Variants in LDB2 observed in about 807,000 individuals in gnomAD.
LDB2 encodes the protein LIM domain binding 2, also known as LIM domain-binding protein 2.
A neutral mutation model predicts 44.3 loss-of-function variants in LDB2; 12 were observed. The ratio of observed to expected loss-of-function variants is 0.27; its 90% CI spans 0.17 to 0.44. The LOEUF is 0.44. Among genes scored for constraint, LDB2 ranks in the 20% least tolerant of loss-of-function variants. The probability of loss-of-function intolerance (pLI) is 1.00; values close to 1 mark genes in which losing one functional copy is unlikely to be tolerated. For missense variants in LDB2, 344 were observed against 473.5 expected, an observed-to-expected ratio of 0.73 and a Z score of 2.54; for synonymous variants, 164 against 174.8, an observed-to-expected ratio of 0.94 and a Z score of 0.49.
chr4:16,749,176 T>C (rs936068364), intron 2 of LDB2, among the ~76,000 whole-genome samples: 2 of 152,188 alleles, frequency 1.3e-5, no homozygotes, highest in East Asian at 3.8e-4. Context: ...GTTTTGAGAC[T>C]ATGTGGTGAA....
intron 2 of LDB2, among the ~76,000 whole-genome samples, chr4:16,703,164 G>T (rs909313132): frequency 7.9e-5 from 12 of 152,198 alleles, no homozygotes; most frequent in Middle Eastern, 3.2e-3. Flanking sequence ...TCCAGAAAGT[G>T]ATATGGGCCA....
intron 1 of LDB2, among the ~76,000 whole-genome samples, chr4:16,860,173 A>T (rs1392480773): frequency 1.3e-5 from 2 of 152,256 alleles, no homozygotes; most frequent in Non-Finnish European, 2.9e-5. Context: ...GGATTTGGGT[A>T]GCCAGGGAAA....
At chr4:16,870,627 C>A (rs1053238416) in intron 1 of LDB2, among the ~76,000 whole-genome samples, 3 of 150,586 alleles carry the variant, frequency 2.0e-5, no homozygotes, top group Non-Finnish European at 4.4e-5. Flanking sequence ...CTTGCATTCT[C>A]TTTATTTATT....
intron 2 of LDB2, among the ~76,000 whole-genome samples, chr4:16,655,211 T>C (rs1477666105): frequency 6.6e-6 from 1 of 152,092 alleles, no homozygotes; most frequent in Non-Finnish European, 1.5e-5. Flanking sequence ...ACACTAGCCA[T>C]GGGGGACAGA....
chr4:16,642,893 A>G (rs533944152), intron 2 of LDB2, among the ~76,000 whole-genome samples: 4 of 152,312 alleles, frequency 2.6e-5, no homozygotes, highest in African/African-American at 9.6e-5. Context: ...AAGTTTGAAT[A>G]AAAAAGAAAA....
chr4:16,742,366 A>G (rs145544247), intron 2 of LDB2, among the ~76,000 whole-genome samples: 75 of 152,214 alleles, frequency 4.9e-4, no homozygotes, highest in East Asian at 9.7e-4. Context: ...CACCGCGCCC[A>G]GCCAACACAT....
At chr4:16,595,250 T>C (rs1720489689) in intron 3 of LDB2, among the ~76,000 whole-genome samples, 1 of 152,118 alleles carries the variant, frequency 6.6e-6, no homozygotes, top group South Asian at 2.1e-4. Context: ...GTTTTTATGT[T>C]CCTTACAGAT....
chr4:16,537,174 A>G (rs1732152413), intron 5 of LDB2, among the ~76,000 whole-genome samples: 1 of 152,196 alleles, frequency 6.6e-6, no homozygotes, highest in Non-Finnish European at 1.5e-5. Context: ...AGGCTCTTAG[A>G]AACACCAAGA....
rs754718520 is a variant in LDB2, at chr4:16,508,502, G to A, written c.891+33C>T. On this transcript the variant is annotated intron_variant, in intron 7 of 7. Transcript: ENST00000304523. ...CCTTTGAGTAGGAAGCAGACAGTTA[G>A]GATTTCGGGCCTAAGAGGAAAGCGA... The A allele has an allele frequency of 2.0e-6, 3 of 1,501,524 alleles. No homozygotes were observed. The African/African-American group carries it at 4.2e-5, about 21-fold the overall frequency. 93.0% of individuals were successfully genotyped at this position (1,501,524 alleles called of 1,614,324 possible).
intron 1 of LDB2, among the ~76,000 whole-genome samples, chr4:16,856,360 G>T (rs1383939483): frequency 6.6e-6 from 1 of 152,112 alleles, no homozygotes; most frequent in African/African-American, 2.4e-5. Flanking sequence ...TCAAGTGTTA[G>T]CAAGAGTAGA....
intron 1 of LDB2, among the ~76,000 whole-genome samples, chr4:16,884,866 A>G (rs1476348519): frequency 1.3e-5 from 2 of 152,158 alleles, no homozygotes; most frequent in Non-Finnish European, 2.9e-5. Context: ...TATTCCCTAC[A>G]TTACCCATAG....
At chr4:16,788,132 T>C (rs1244017881) in intron 1 of LDB2, among the ~76,000 whole-genome samples, 1 of 152,156 alleles carries the variant, frequency 6.6e-6, no homozygotes, top group Admixed American at 6.5e-5. Flanking sequence ...GGGCTGCGAG[T>C]TGGCGATCAA....
chr4:16,554,334 G>A (rs2152356763), intron 5 of LDB2, among the ~76,000 whole-genome samples: 1 of 152,262 alleles, frequency 6.6e-6, no homozygotes, highest in East Asian at 1.9e-4. Context: ...ACAGGTGTGA[G>A]CCACTGCGCC....
chr4:16,646,547 A>G (rs753413016), intron 2 of LDB2, among the ~76,000 whole-genome samples: 1 of 152,188 alleles, frequency 6.6e-6, no homozygotes, highest in Non-Finnish European at 1.5e-5. Context: ...CATCTGCCAT[A>G]AGAAGAATAT....
At chr4:16,730,882 T>A (rs769137936) in intron 2 of LDB2, among the ~76,000 whole-genome samples, 5 of 152,166 alleles carry the variant, frequency 3.3e-5, no homozygotes, top group Non-Finnish European at 5.9e-5. Context: ...CATACAACAA[T>A]CCTGTTCCAT....
rs1715239169 is a variant in LDB2 at position 16,582,776 on chromosome 4, T to C, written c.615+3146A>G. The stretch of plus-strand genomic sequence containing the variant: ...GAGACCGCACTGTGACAGGGCGCCA[T>C]CTCTGCAGGCTCAGCGGCTTCCAGC... On this transcript the variant is annotated intron_variant, in intron 5 of 7. Transcript: ENST00000304523. This position sits in a 1 kb window ranked among gnomAD's most constrained non-coding sequence, Gnocchi z 4.8. Among the ~76,000 whole-genome samples the C allele has an allele frequency of 6.6e-6, 1 of 152,030 alleles. No individual in the cohort carries two copies. The highest frequency in any genetic ancestry group is 1.5e-5 in the Non-Finnish European group (1 of 67,998).
At chr4:16,523,217 G>A (rs753256902) in intron 5 of LDB2, among the ~76,000 whole-genome samples, 16 of 152,164 alleles carry the variant, frequency 1.1e-4, no homozygotes, top group Non-Finnish European at 2.4e-4. Context: ...CAGGCTGGAA[G>A]CTGTCAATAG....
intron 5 of LDB2, among the ~76,000 whole-genome samples, chr4:16,548,475 G>T (rs1736542914): frequency 6.6e-6 from 1 of 152,196 alleles, no homozygotes; most frequent in Non-Finnish European, 1.5e-5. Flanking sequence ...CCTGCAAGCT[G>T]AAGGGTAATG....
At chr4:16,508,121 G>A (rs558900880) in intron 7 of LDB2, among the ~76,000 whole-genome samples, 1 of 152,270 alleles carries the variant, frequency 6.6e-6, no homozygotes, top group African/African-American at 2.4e-5. Flanking sequence ...GGAAGGCCCA[G>A]TCAAATTACA....
Sources: gnomAD v4.1 joint callset for allele counts (sites outside exome capture counted in the v4.1 genomes callset) on GRCh38, gnomAD v4.1.1 for gene constraint, Gnocchi (gnomAD v3.1) non-coding constraint, MANE v1.5 for transcripts, NCBI Gene and HGNC (gene_info 2026-07-23, HGNC 2026-07-21) for gene names.